The following IKBKB-DT variants were observed in gnomAD, a reference collection of about 807,000 sequenced individuals.
IKBKB-DT encodes the protein IKBKB antisense RNA.
chr8:42,269,518 T>TAGGA (rs1807476299), intron 1 of IKBKB-DT, among the ~76,000 whole-genome samples: 1 of 57,308 alleles, frequency 1.7e-5, no homozygotes, highest in African/African-American at 7.0e-5. Flanking sequence ...GGAGGAGAGA[T>TAGGA]AGGAAGGAAG....
intron 3 of IKBKB-DT, among the ~76,000 whole-genome samples, chr8:42,239,614 T>TTTTTTTTATATATATATATATATA (rs1554502579): frequency 5.0e-5 from 1 of 19,910 alleles, no homozygotes; most frequent in African/African-American, 1.4e-4. Context: ...AAAAGGCAAT[T>TTTTTTTTATATATATATATATATA]TATATATATA....
chr8:42,255,869 C>CA (rs1464668722), intron 3 of IKBKB-DT, among the ~76,000 whole-genome samples: 1 of 151,396 alleles, frequency 6.6e-6, no homozygotes, highest in Non-Finnish European at 1.5e-5. Context: ...ACTAAAAATA[C>CA]AAAAAAATTA....
At chr8:42,242,955 C>T (rs888883256) in intron 3 of IKBKB-DT, among the ~76,000 whole-genome samples, 8 of 152,180 alleles carry the variant, frequency 5.3e-5, no homozygotes, top group African/African-American at 1.2e-4. Flanking sequence ...AATTCACAAG[C>T]GCGAGTTCTG....
chr8:42,258,854 A>G (rs1199451620), intron 3 of IKBKB-DT, among the ~76,000 whole-genome samples: 1 of 152,130 alleles, frequency 6.6e-6, no homozygotes, highest in Admixed American at 6.6e-5. Context: ...TTTCACTAGA[A>G]ACTAAGCAAT....
intron 1 of IKBKB-DT, among the ~76,000 whole-genome samples, chr8:42,267,869 T>G (rs558644200): frequency 2.6e-5 from 4 of 151,994 alleles, no homozygotes; most frequent in African/African-American, 4.8e-5. Flanking sequence ...CCATGATTAA[T>G]TGAAGAAAAA....
intron 3 of IKBKB-DT, among the ~76,000 whole-genome samples, chr8:42,235,159 TAACTC>T (rs2129896924): frequency 2.4e-5 from 2 of 83,600 alleles, no homozygotes; most frequent in South Asian, 2.5e-4. Context: ...TTTTTTTTTC[TAACTC>T]TTTTTACTGT....
intron 3 of IKBKB-DT, among the ~76,000 whole-genome samples, chr8:42,247,050 C>T (rs746306769): frequency 2.6e-5 from 4 of 152,166 alleles, no homozygotes; most frequent in African/African-American, 4.8e-5. Flanking sequence ...TATGAGAAGA[C>T]GGCCACCATC....
rs1447422466 is a variant in IKBKB-DT at position 42,271,129 on chromosome 8, G to A, written n.125C>T. 2.3e-5 allele frequency: 12 copies of A among 517,438 alleles called. No individual in the cohort carries two copies. The African/African-American group carries it at 2.4e-4, about 11-fold the overall frequency. The allele number at this position is 517,438 out of a possible 1,614,324, so 32.1% of individuals were successfully genotyped here. A position where few individuals can be genotyped will look rare whatever the true frequency, so the allele number is the denominator to read the frequency against. On this transcript the variant is annotated non_coding_transcript_exon_variant, in exon 1 of 4. Coordinates refer to ENST00000518213, the Ensembl canonical transcript of IKBKB-DT. The stretch of plus-strand genomic sequence containing the variant: ...TTCAGGGCTGTTCTTTTAAATCGGT[G>A]AGCACGGTCTGTCTACTTTCCCTCA...
intron 3 of IKBKB-DT, among the ~76,000 whole-genome samples, chr8:42,242,844 A>G (rs1427158316): frequency 6.6e-6 from 1 of 152,196 alleles, no homozygotes; most frequent in Non-Finnish European, 1.5e-5. Flanking sequence ...TTTCCACATG[A>G]TGGCTGCAGG....
chr8:42,244,427 G>A (rs1350121917), intron 3 of IKBKB-DT, among the ~76,000 whole-genome samples: 1 of 152,172 alleles, frequency 6.6e-6, no homozygotes, highest in Non-Finnish European at 1.5e-5. Flanking sequence ...AGACACATAC[G>A]GAGCTATTGG....
chr8:42,266,637 C>T (rs112455569), intron 1 of IKBKB-DT, among the ~76,000 whole-genome samples: 1,621 of 152,266 alleles, frequency 0.011, 26 homozygotes, highest in African/African-American at 0.037. Flanking sequence ...ATGGTTAAGG[C>T]ATTCTAAGTC....
intron 3 of IKBKB-DT, among the ~76,000 whole-genome samples, chr8:42,240,597 C>A (rs1806988283): frequency 7.4e-6 from 1 of 134,938 alleles, no homozygotes; most frequent in African/African-American, 2.9e-5. Context: ...TGCACTCCAG[C>A]CTGAGCGACA....
intron 3 of IKBKB-DT, among the ~76,000 whole-genome samples, chr8:42,261,982 A>G (rs139544418): frequency 5.3e-5 from 8 of 152,230 alleles, no homozygotes; most frequent in African/African-American, 1.9e-4. Flanking sequence ...CATTTTTAGG[A>G]CACAAAAGGA....
At chr8:42,263,431 T>C (rs1807318017) in exon 3 of IKBKB-DT, 1 of 152,212 alleles carries the variant, frequency 6.6e-6, no homozygotes, top group Non-Finnish European at 1.5e-5. Flanking sequence ...GGCAGAATAA[T>C]AATTTTCTCC....
intron 3 of IKBKB-DT, among the ~76,000 whole-genome samples, chr8:42,259,995 C>A (rs866292816): frequency 0.06 from 6,157 of 101,800 alleles, 298 homozygotes; most frequent in African/African-American, 0.18. Context: ...AAAAAAAAAA[C>A]AAAAAAAAAA....
chr8:42,241,103 T>C (rs1157392183), intron 3 of IKBKB-DT, among the ~76,000 whole-genome samples: 1 of 152,180 alleles, frequency 6.6e-6, no homozygotes, highest in Non-Finnish European at 1.5e-5. Context: ...TTTGCCATTA[T>C]AGTCAAATGT....
chr8:42,266,472 C>A (rs1482069924), intron 1 of IKBKB-DT: 1 of 152,224 alleles, frequency 6.6e-6, no homozygotes, highest in Non-Finnish European at 1.5e-5. Flanking sequence ...TTATCTTTGA[C>A]TTACTCTGTG....
At chr8:42,269,572 G>T (rs1175002952) in intron 1 of IKBKB-DT, among the ~76,000 whole-genome samples, 1 of 137,430 alleles carries the variant, frequency 7.3e-6, no homozygotes, top group African/African-American at 2.7e-5. Context: ...GGAAGGGAAG[G>T]GAAGGGGAGG....
chr8:42,239,614 T>TATATATATATATATATATATA (rs1554502580), intron 3 of IKBKB-DT, among the ~76,000 whole-genome samples: 1 of 19,910 alleles, frequency 5.0e-5, no homozygotes, highest in Non-Finnish European at 1.1e-4. Context: ...AAAAGGCAAT[T>TATATATATATATATATATATA]TATATATATA....
Sources: allele counts gnomAD v4.1 joint callset (sites outside exome capture counted in the v4.1 genomes callset), GRCh38; gene constraint gnomAD v4.1.1; transcripts MANE v1.5; gene names NCBI Gene and HGNC (gene_info 2026-07-23, HGNC 2026-07-21).